BMPR1B: variants seen among roughly 807,000 people sequenced by gnomAD.
The protein encoded by BMPR1B is bone morphogenetic protein receptor type-1B.
Under a neutral mutation model 59.1 loss-of-function variants are expected in BMPR1B, and 12 were observed. That is an observed-to-expected ratio of 0.20 (90% CI 0.13 to 0.33). BMPR1B has a LOEUF of 0.33. Ranked by LOEUF, BMPR1B falls within the 10% of genes least tolerant of loss-of-function variation. The pLI is 1.00. For synonymous variants in BMPR1B, 237 were observed against 207.3 expected, an observed-to-expected ratio of 1.14 and a Z score of -1.23; for missense variants, 550 against 610.9, an observed-to-expected ratio of 0.90 and a Z score of 1.05.
At chr4:95,016,051 T>G (rs1188209058) in intron 3 of BMPR1B, among the ~76,000 whole-genome samples, 1 of 151,970 alleles carries the variant, frequency 6.6e-6, no homozygotes, top group Non-Finnish European at 1.5e-5. Flanking sequence ...GACTTAGATA[T>G]TGAGTAGATG....
chr4:94,869,500 C>T (rs1431237832), intron 1 of BMPR1B, among the ~76,000 whole-genome samples: 1 of 152,118 alleles, frequency 6.6e-6, no homozygotes, highest in Non-Finnish European at 1.5e-5. Context: ...AATGTTTATG[C>T]TATTCAGATA....
intron 2 of BMPR1B, among the ~76,000 whole-genome samples, chr4:94,937,769 AG>A (rs960678364): frequency 6.9e-6 from 1 of 145,808 alleles, no homozygotes; most frequent in Non-Finnish European, 1.5e-5. Context: ...ACTGCAGGAG[AG>A]GGAAGGGCAA....
intron 1 of BMPR1B, among the ~76,000 whole-genome samples, chr4:94,800,652 T>G (rs1046490531): frequency 1.3e-5 from 2 of 152,154 alleles, no homozygotes; most frequent in African/African-American, 4.8e-5. Context: ...CTTTGGACTT[T>G]GGTGTCCTCA....
intron 2 of BMPR1B, among the ~76,000 whole-genome samples, chr4:94,899,600 A>T (rs17022488): frequency 0.22 from 33,402 of 151,500 alleles, 4,146 homozygotes; most frequent in African/African-American, 0.33. Flanking sequence ...CTTCCTAGTA[A>T]TATATGACCT....
chr4:95,032,862 A>G (rs1306762692), intron 3 of BMPR1B, among the ~76,000 whole-genome samples: 1 of 152,106 alleles, frequency 6.6e-6, no homozygotes, highest in Non-Finnish European at 1.5e-5. Flanking sequence ...TAGGTCTTTG[A>G]GACACAGCTT....
At chr4:94,875,386 T>A (rs547046570) in intron 1 of BMPR1B, among the ~76,000 whole-genome samples, 12 of 152,146 alleles carry the variant, frequency 7.9e-5, no homozygotes, top group Non-Finnish European at 1.5e-4. Flanking sequence ...ATCTTTTCAA[T>A]TAATAATAAC....
At chr4:94,842,635 A>C (rs976748441) in intron 1 of BMPR1B, among the ~76,000 whole-genome samples, 3 of 152,148 alleles carry the variant, frequency 2.0e-5, no homozygotes, top group Non-Finnish European at 2.9e-5. Flanking sequence ...AGCTCACTGC[A>C]ACCTCCAGAG....
At chr4:94,964,672 C>G (rs751143170) in intron 2 of BMPR1B, among the ~76,000 whole-genome samples, 1 of 152,140 alleles carries the variant, frequency 6.6e-6, no homozygotes, top group Non-Finnish European at 1.5e-5. Context: ...TTTGTTGAAT[C>G]CCTAGGGCCT....
Position 95,148,815 on chromosome 4 carries a change from G to A in BMPR1B, c.1144G>A (p.Val382Met), listed in dbSNP as rs749833502. The change falls in exon 11 of 13, where the codon GTG (valine) becomes ATG (methionine). Residue 382 changes from valine (V) to methionine (M), a missense_variant. By Grantham distance (21) the Val-to-Met change is conservative. Around this residue, in one of 6 missense-constraint regions of BMPR1B, gnomAD observed 123 missense variants for 164.6 expected, o/e 0.75. Coordinates refer to ENST00000515059, the MANE Select transcript of BMPR1B (RefSeq NM_001203.3). ...CACCAAACGCTATATGCCTCCAGAAGTGTTGGACGAGAGCTTGAACAGAAA... is the reference window on the plus strand; with the variant it reads ...CACCAAACGCTATATGCCTCCAGAAATGTTGGACGAGAGCTTGAACAGAAA... The part of the protein sequence containing the change: ...VGTKRYMPPE[V>M]LDESLNRNHF... The A allele has an allele frequency of 6.2e-7, 1 of 1,614,042 alleles. No individual in the cohort carries two copies. The highest frequency in any genetic ancestry group is 8.5e-7 in the Non-Finnish European group (1 of 1,179,944).
At chr4:94,905,830 T>A (rs1728016373) in intron 2 of BMPR1B, among the ~76,000 whole-genome samples, 1 of 151,958 alleles carries the variant, frequency 6.6e-6, no homozygotes, top group African/African-American at 2.4e-5. Context: ...TACTTCTTTA[T>A]CTTGATGGAA....
At chr4:94,892,876 T>G (rs1205911118) in intron 2 of BMPR1B, among the ~76,000 whole-genome samples, 2 of 152,106 alleles carry the variant, frequency 1.3e-5, no homozygotes, top group Non-Finnish European at 2.9e-5. Flanking sequence ...ATGTACTATT[T>G]CCTGAGGAAA....
intron 2 of BMPR1B, among the ~76,000 whole-genome samples, chr4:94,891,928 T>C (rs2148991008): frequency 6.6e-6 from 1 of 152,208 alleles, no homozygotes; most frequent in African/African-American, 2.4e-5. Flanking sequence ...AAATCAGTGA[T>C]AGTTTTTACC....
At chr4:94,929,286 C>T (rs1396257145) in intron 2 of BMPR1B, among the ~76,000 whole-genome samples, 1 of 152,110 alleles carries the variant, frequency 6.6e-6, no homozygotes, top group Non-Finnish European at 1.5e-5. Context: ...AGTGGAGAAA[C>T]TAAACTAGAA....
chr4:94,789,740 C>A (rs909420941), intron 1 of BMPR1B, among the ~76,000 whole-genome samples: 15 of 152,156 alleles, frequency 9.9e-5, no homozygotes, highest in Non-Finnish European at 2.2e-4. Context: ...GCAAAAACCA[C>A]AATTTACTTT....
At chr4:94,996,007 T>C (rs1474252081) in intron 2 of BMPR1B, 33 bp from the exon 3 acceptor site, 2 of 152,176 alleles carry the variant, frequency 1.3e-5, no homozygotes, top group Non-Finnish European at 2.9e-5. Context: ...AATTTCCAAT[T>C]TTTTCTGAAA....
chr4:94,980,093 T>C (rs1007044577), intron 2 of BMPR1B, among the ~76,000 whole-genome samples: 1 of 152,188 alleles, frequency 6.6e-6, no homozygotes, highest in African/African-American at 2.4e-5. Flanking sequence ...TTAAAGGTGA[T>C]ATCAAATGAA....
intron 2 of BMPR1B, among the ~76,000 whole-genome samples, chr4:94,982,763 C>T (rs1042603619): frequency 1.3e-5 from 2 of 152,036 alleles, no homozygotes; most frequent in African/African-American, 2.4e-5. Flanking sequence ...GAGGCTGAGG[C>T]GGGCGGATCA....
chr4:95,070,043 G>T (rs963641290), intron 3 of BMPR1B, among the ~76,000 whole-genome samples: 1 of 152,232 alleles, frequency 6.6e-6, no homozygotes, highest in Admixed American at 6.5e-5. Flanking sequence ...AGGTTGCCAT[G>T]AGCCAAGATT....
chr4:94,922,856 A>G (rs1728753763), intron 2 of BMPR1B, among the ~76,000 whole-genome samples: 1 of 152,098 alleles, frequency 6.6e-6, no homozygotes, highest in African/African-American at 2.4e-5. Context: ...TAAATTGATC[A>G]TTTGCTATCC....
Sources: allele counts gnomAD v4.1 joint callset (sites outside exome capture counted in the v4.1 genomes callset), GRCh38; gene constraint gnomAD v4.1.1; regional missense constraint gnomAD v4.1.1; transcripts MANE v1.5; gene names NCBI Gene and HGNC (gene_info 2026-07-23, HGNC 2026-07-21).